Variants in TULP4 observed in about 807,000 individuals in gnomAD.
TULP4 encodes the protein TUB like protein 4, also known as tubby-related protein 4.
Under a neutral mutation model 129.0 loss-of-function variants are expected in TULP4, and 16 were observed. That is an observed-to-expected ratio of 0.12 (90% CI 0.08 to 0.19). The LOEUF (loss-of-function observed/expected upper bound fraction) is 0.19. Among genes scored for constraint, TULP4 ranks in the 10% least tolerant of loss-of-function variants. The pLI is 1.00. For missense variants in TULP4, 1,842 were observed against 2,059.1 expected (o/e 0.89, Z 2.04); for synonymous variants, 998 against 854.0 (o/e 1.17, Z -2.94).
chr6:158,264,816 C>T (rs896116331), intron 1 of TULP4, among the ~76,000 whole-genome samples: 2 of 152,138 alleles, frequency 1.3e-5, no homozygotes, highest in African/African-American at 2.4e-5. Context: ...CCATCAGTGC[C>T]GCCCCTGAAA....
chr6:158,446,693 T>G (rs1043794599), intron 3 of TULP4, among the ~76,000 whole-genome samples: 2 of 152,092 alleles, frequency 1.3e-5, no homozygotes, highest in Non-Finnish European at 2.9e-5. Context: ...ACAACAGACA[T>G]TGAGTTCTCA....
chr6:158,238,416 T>G (rs1777765034), intron 1 of TULP4: 1 of 8,976 alleles, frequency 1.1e-4, no homozygotes, highest in Non-Finnish European at 3.5e-4. Flanking sequence ...TGTTAAATTG[T>G]TTTTTTTTTT....
intron 1 of TULP4, among the ~76,000 whole-genome samples, chr6:158,404,969 T>C (rs1241388824): frequency 6.6e-6 from 1 of 152,124 alleles, no homozygotes. Context: ...GTCATAAATA[T>C]TGCCTAAGAT....
intron 1 of TULP4, among the ~76,000 whole-genome samples, chr6:158,395,668 C>CGGGGGGCA (rs5881258): frequency 5.3e-4 from 44 of 83,118 alleles, no homozygotes; most frequent in Middle Eastern, 0.014. Flanking sequence ...AAGTGATGGG[C>CGGGGGGCA]GGGGGGGGGG....
chr6:158,344,010 ACCATCGTGATTTGTTTCTTC>A (rs1367567850), intron 1 of TULP4, among the ~76,000 whole-genome samples: 1 of 152,160 alleles, frequency 6.6e-6, no homozygotes, highest in African/African-American at 2.4e-5. Context: ...ATGACATTCC[ACCATCGTGATTTGTTTCTTC>A]CCCACCCTAA....
intron 3 of TULP4, among the ~76,000 whole-genome samples, chr6:158,439,887 A>AT: frequency 6.7e-6 from 1 of 149,728 alleles, no homozygotes; most frequent in South Asian, 2.1e-4. Flanking sequence ...AATTTTTTGT[A>AT]TTTTTTGTAG....
intron 1 of TULP4, among the ~76,000 whole-genome samples, chr6:158,375,569 G>A (rs1390365809): frequency 1.3e-5 from 2 of 152,176 alleles, no homozygotes; most frequent in Admixed American, 6.5e-5. Flanking sequence ...AGGGAAAAGT[G>A]TACAGGGAAA....
In TULP4 at chr6:158,479,986, C is replaced by G. The variant is rs1199031631; in HGVS notation, c.1251+11C>G. On this transcript the variant is annotated intron_variant, in intron 7 of 13. Transcript: ENST00000367097. The stretch of plus-strand genomic sequence containing the variant: ...ATCCCCACCATCAAGGTAAAGCCCT[C>G]CACCCCTCCCTCTTCCTCCTCCCTC... 1 of 1,577,384 alleles carries G rather than the reference C, an allele frequency of 6.3e-7. No homozygotes were observed. Among genetic ancestry groups the G allele is most frequent in the Non-Finnish European group, 8.6e-7 (1 of 1,157,802 alleles).
In TULP4 at chr6:158,506,688, C is replaced by T; in HGVS notation, c.4626C>T (p.Leu1542=). 6.2e-7 allele frequency: 1 copy of T among 1,605,234 alleles called. No homozygotes were observed. Among genetic ancestry groups the T allele is most frequent in the Non-Finnish European group, 8.5e-7 (1 of 1,171,954 alleles). Residue 1542 remains leucine (L), a synonymous_variant, in exon 14 of 14, where the codon CTC becomes CTT. Transcript: ENST00000367097. ...AVALANVTQR[L]K is the part of the protein sequence containing the mutation. Reference sequence around the variant, plus strand: ...CCCTGGCCAACGTGACTCAGCGCCTCAAATGAAGAGACTGGTGTGGGGAGG... The same window carrying T: ...CCCTGGCCAACGTGACTCAGCGCCTTAAATGAAGAGACTGGTGTGGGGAGG...
intron 6 of TULP4, among the ~76,000 whole-genome samples, chr6:158,473,783 G>T (rs1234941817): frequency 6.6e-6 from 1 of 152,098 alleles, no homozygotes; most frequent in Non-Finnish European, 1.5e-5. Context: ...GCCTCCCAAA[G>T]TGCTGGGATT....
chr6:158,449,041 C>T lies in TULP4; in HGVS notation c.589C>T (p.His197Tyr). ...TGGGCAGGTGATTGTCATGGATTGC[C>T]ACGGCAGAATGCTGGCCCACGTCCT... ...ADGQVIVMDC[H>Y]GRMLAHVLLH... The change falls in exon 4 of 14, where the codon CAC becomes TAC. Residue 197 changes from histidine (H) to tyrosine (Y), a missense_variant. By Grantham distance (83) the His-to-Tyr change is moderately conservative. Coordinates refer to ENST00000367097, the MANE Select transcript of TULP4 (RefSeq NM_020245.5). 1 of 1,613,878 alleles carries T rather than the reference C, an allele frequency of 6.2e-7. No individual in the cohort carries two copies. The highest frequency in any genetic ancestry group is 1.1e-5 in the South Asian group (1 of 91,030).
At position 158,327,576 on chromosome 6, in the gene TULP4, A is replaced by T. The variant is rs144401107; in HGVS notation, c.252+13308A>T. Among the ~76,000 whole-genome samples, 601 of 152,300 alleles carry T rather than the reference A, an allele frequency of 3.9e-3. 6 individuals carry two copies. The highest frequency in any genetic ancestry group is 0.014 in the African/African-American group (569 of 41,572). ...CAGAGCCATGATGGTTTTCATTTCTAACATCTTGTTCTAATCTACTGGCTG... is the reference window on the plus strand; with the variant it reads ...CAGAGCCATGATGGTTTTCATTTCTTACATCTTGTTCTAATCTACTGGCTG... On this transcript the variant is annotated intron_variant, in intron 1 of 13. Transcript: ENST00000367097.
intron 1 of TULP4, among the ~76,000 whole-genome samples, chr6:158,293,245 G>A (rs975745273): frequency 5.1e-4 from 78 of 152,320 alleles, no homozygotes; most frequent in African/African-American, 1.8e-3. Context: ...ACTTGGCAGT[G>A]GACCTGTGGC....
At chr6:158,376,825 G>T (rs1180707723) in intron 1 of TULP4, among the ~76,000 whole-genome samples, 3 of 152,232 alleles carry the variant, frequency 2.0e-5, no homozygotes, top group Non-Finnish European at 4.4e-5. Flanking sequence ...CCTGTTGAAT[G>T]TGGCTGTCAG....
chr6:158,344,222 T>C (rs1363180602), intron 1 of TULP4, among the ~76,000 whole-genome samples: 1 of 152,236 alleles, frequency 6.6e-6, no homozygotes, highest in African/African-American at 2.4e-5. Flanking sequence ...TAAGAACTAA[T>C]GATAATGCCA....
At chr6:158,467,981 A>T (rs1341695041) in intron 6 of TULP4, among the ~76,000 whole-genome samples, 1 of 152,196 alleles carries the variant, frequency 6.6e-6, no homozygotes, top group East Asian at 1.9e-4. Context: ...AGCTGCAGAG[A>T]GTCTGTCCCT....
At chr6:158,319,376 T>G (rs1779570872) in intron 1 of TULP4, among the ~76,000 whole-genome samples, 1 of 151,712 alleles carries the variant, frequency 6.6e-6, no homozygotes, top group African/African-American at 2.4e-5. Flanking sequence ...TTAATTTGGT[T>G]TTTCATTTCC....
At chr6:158,349,555 GAT>G (rs1349503934) in intron 1 of TULP4, among the ~76,000 whole-genome samples, 72 of 122,990 alleles carry the variant, frequency 5.9e-4, no homozygotes, top group African/African-American at 8.2e-4. Context: ...CATCCCAGAC[GAT>G]GGGTGGCCGG....
chr6:158,401,050 T>G (rs1774562), intron 1 of TULP4, among the ~76,000 whole-genome samples: 54,946 of 146,854 alleles, frequency 0.37, 10,183 homozygotes, highest in South Asian at 0.45. Context: ...GTTTGGGTTT[T>G]TTGTTGTTGT....
Sources: allele counts gnomAD v4.1 joint callset (sites outside exome capture counted in the v4.1 genomes callset), GRCh38; gene constraint gnomAD v4.1.1; transcripts MANE v1.5; gene names NCBI Gene and HGNC (gene_info 2026-07-23, HGNC 2026-07-21).